Variants in TBC1D9B observed in about 807,000 individuals in gnomAD.
TBC1D9B encodes the protein TBC1 domain family member 9B, also known as TBC1 domain family, member 9B (with GRAM domain).
A neutral mutation model predicts 121.1 loss-of-function variants in TBC1D9B; 87 were observed. That is an observed-to-expected ratio of 0.72 (90% CI 0.60 to 0.86). The LOEUF is 0.86. Ranked by LOEUF, TBC1D9B falls within the 40% of genes least tolerant of loss-of-function variation. The pLI is 0.00. For missense variants in TBC1D9B, 1,540 were observed against 1,628.6 expected, an observed-to-expected ratio of 0.95 and a Z score of 0.94; for synonymous variants, 668 against 670.1, an observed-to-expected ratio of 1.00 and a Z score of 0.05.
intron 8 of TBC1D9B, 41 bp from the exon 9 acceptor site, chr5:179,879,238 C>A: frequency 1.3e-6 from 2 of 1,578,860 alleles, no homozygotes; most frequent in Non-Finnish European, 1.7e-6. Flanking sequence ...GGCCGAAGCG[C>A]ATCTGAGTGC....
chr5:179,866,307 G>A (rs1760007658), intron 18 of TBC1D9B: 1 of 188,524 alleles, frequency 5.3e-6, no homozygotes, highest in South Asian at 1.0e-4. Context: ...CGCGCCTGCT[G>A]TGCCTGTTAC....
rs747331720 is a variant in TBC1D9B, at chr5:179,875,955, C to A, written c.1865G>T (p.Arg622Leu). The A allele has an allele frequency of 3.7e-6, 6 of 1,609,880 alleles. No individual in the cohort carries two copies. Among genetic ancestry groups the A allele is most frequent in the Non-Finnish European group, 5.1e-6 (6 of 1,178,500 alleles). Residue 622 changes from arginine to leucine, a missense_variant, in exon 11 of 21, where the codon CGC becomes CTC. Coordinates refer to ENST00000355235, the MANE Select transcript of TBC1D9B (RefSeq NM_015043.4). The surrounding 1 kb of genome is among the most constrained non-coding windows in gnomAD (Gnocchi z 4.5). ...GGTGTTGTAGTAGTCGGGCAGCATG[C>A]GCTCGCACAGGGCCACCAGGAGCCA... ...AFWLLVALCE[R>L]MLPDYYNTRV...
intron 17 of TBC1D9B, 120 bp from the exon 18 acceptor site, chr5:179,867,969 A>ATG: frequency 1.2e-6 from 1 of 864,450 alleles, no homozygotes; most frequent in Non-Finnish European, 1.7e-6. Context: ...GGCCAGTCCC[A>ATG]GCACCTGCCC....
At chr5:179,884,520 G>C (rs1760624720) in intron 7 of TBC1D9B, 1 of 152,006 alleles carries the variant, frequency 6.6e-6, no homozygotes. Context: ...TCCACTCCAG[G>C]GTATGTCCCC....
chr5:179,892,342 T>C (rs1224724763), intron 5 of TBC1D9B, among the ~76,000 whole-genome samples: 1 of 152,258 alleles, frequency 6.6e-6, no homozygotes, highest in Non-Finnish European at 1.5e-5. Flanking sequence ...TTTCTGGTCC[T>C]GGAGGTGGAC....
chr5:179,870,358 C>A lies in TBC1D9B; in HGVS notation c.2622G>T (p.Trp874Cys). The change falls in exon 16 of 21, where the codon TGG becomes TGT. Residue 874 changes from tryptophan to cysteine, a missense_variant. Trp to Cys is a radical substitution (Grantham distance 215). Coordinates refer to ENST00000355235, the MANE Select transcript of TBC1D9B (RefSeq NM_015043.4). ...FRELFASLTP[W>C]ACGSHTPLLA... is the part of the protein sequence containing the mutation. ...GCAGAGGTGTGTGGGAGCCACAGGC[C>A]CAGGGTGTCAGGCTGGCAAAGAGTT... 1 of 1,613,892 alleles carries A rather than the reference C, an allele frequency of 6.2e-7. No individual in the cohort carries two copies. The highest frequency in any genetic ancestry group is 2.2e-5 in the East Asian group (1 of 44,878).
At chr5:179,867,704 C>G (rs1245889540) in intron 18 of TBC1D9B, 74 bp downstream of exon 18, 1 of 1,597,622 alleles carries the variant, frequency 6.3e-7, no homozygotes, top group African/African-American at 1.3e-5. Flanking sequence ...TGGCCACTGC[C>G]CGAGCCCCAC....
At position 179,863,550 on chromosome 5, in the gene TBC1D9B, A is replaced by G; in HGVS notation, c.3600T>C (p.Phe1200=). 2.5e-6 allele frequency: 4 copies of G among 1,614,040 alleles called. No homozygotes were observed. The highest frequency in any genetic ancestry group is 3.4e-6 in the Non-Finnish European group (4 of 1,179,948). Residue 1200 remains phenylalanine, a synonymous_variant, in exon 21 of 21, where the codon TTT becomes TTC. Coordinates refer to ENST00000355235, the MANE Select transcript of TBC1D9B (RefSeq NM_015043.4). This position sits in a 1 kb window ranked among gnomAD's most constrained non-coding sequence, Gnocchi z 4.5. The part of the protein sequence containing the change: ...ILTESVLVNF[F]EKRVDIGLKI... ...TGAGTCCAATGTCCACTCTCTTCTCAAAGAAGTTCACCAGCACGGACTCCG... is the reference window on the plus strand; with the variant it reads ...TGAGTCCAATGTCCACTCTCTTCTCGAAGAAGTTCACCAGCACGGACTCCG...
rs1451358809 is a variant in TBC1D9B, at chr5:179,907,022, C to T, written c.118+682G>A. On this transcript the variant is annotated intron_variant, in intron 1 of 20. Coordinates refer to ENST00000355235, the MANE Select transcript of TBC1D9B (RefSeq NM_015043.4). The surrounding 1 kb of genome is among the most constrained non-coding windows in gnomAD (Gnocchi z 5.3). ...CTGGATCCCACAGGCCGCACGACTC[C>T]AAGGGTGCCTGTCCAGCTTCATCCT... Among the ~76,000 whole-genome samples the T allele has an allele frequency of 6.6e-6, 1 of 152,150 alleles. No individual in the cohort carries two copies. Among genetic ancestry groups the T allele is most frequent in the Non-Finnish European group, 1.5e-5 (1 of 68,002 alleles).
chr5:179,873,931 C>T (rs1051908535), intron 12 of TBC1D9B, among the ~76,000 whole-genome samples: 4 of 152,184 alleles, frequency 2.6e-5, no homozygotes, highest in Admixed American at 6.5e-5. Context: ...CCACAGACTC[C>T]GGCCACAGGC....
intron 18 of TBC1D9B, chr5:179,867,092 C>A: frequency 4.5e-6 from 1 of 223,018 alleles, no homozygotes; most frequent in Non-Finnish European, 9.0e-6. Flanking sequence ...GGAAAGCATC[C>A]ACTATTCTTT....
intron 1 of TBC1D9B, among the ~76,000 whole-genome samples, chr5:179,905,029 G>T (rs1389520273): frequency 6.6e-6 from 1 of 152,218 alleles, no homozygotes; most frequent in Admixed American, 6.5e-5. Flanking sequence ...GGAAGCATCT[G>T]CTTCTTCTCC....
Position 179,878,399 on chromosome 5 carries a change from G to C in TBC1D9B, c.1692C>G (p.His564Gln). The C allele has an allele frequency of 6.2e-7, 1 of 1,613,894 alleles. No homozygotes were observed. The highest frequency in any genetic ancestry group is 8.5e-7 in the Non-Finnish European group (1 of 1,179,938). ...ERDLHRSMPE[H>Q]PAFQNELGIA... ...TCCCCAGCTCGTTCTGGAAGGCAGGGTGCTCGGGCATGGAGCGGTGCAGGT... is the reference window on the plus strand; with the variant it reads ...TCCCCAGCTCGTTCTGGAAGGCAGGCTGCTCGGGCATGGAGCGGTGCAGGT... The change falls in exon 10 of 21, where the codon CAC becomes CAG. Residue 564 changes from histidine (H) to glutamine (Q), a missense_variant. His to Gln is a conservative substitution (Grantham distance 24, BLOSUM62 0). Transcript: ENST00000355235.
intron 3 of TBC1D9B, 82 bp from the exon 4 acceptor site, chr5:179,894,696 C>G: frequency 6.9e-7 from 1 of 1,444,690 alleles, no homozygotes; most frequent in Non-Finnish European, 9.6e-7. Flanking sequence ...CCCAGGGAAC[C>G]CAGGACTCAT....
intron 3 of TBC1D9B, among the ~76,000 whole-genome samples, chr5:179,896,203 G>C (rs1276992934): frequency 1.3e-5 from 2 of 152,134 alleles, no homozygotes; most frequent in Non-Finnish European, 2.9e-5. Context: ...CTAAACTTTT[G>C]AGTCACCTAT....
chr5:179,898,419 C>T (rs1283265252), intron 3 of TBC1D9B, among the ~76,000 whole-genome samples: 1 of 151,826 alleles, frequency 6.6e-6, no homozygotes, highest in Non-Finnish European at 1.5e-5. Flanking sequence ...TCCCAAAGTG[C>T]TGGGATTACA....
At chr5:179,905,815 C>G (rs1761294538) in intron 1 of TBC1D9B, among the ~76,000 whole-genome samples, 1 of 152,160 alleles carries the variant, frequency 6.6e-6, no homozygotes, top group Non-Finnish European at 1.5e-5. Context: ...ATTTTGTTAC[C>G]ATTTTTCCTG....
chr5:179,870,391 C>A lies in TBC1D9B; in HGVS notation c.2589G>T (p.Gln863His), dbSNP rs760076601. 1.2e-6 allele frequency: 2 copies of A among 1,613,810 alleles called. No individual in the cohort carries two copies. Among genetic ancestry groups the A allele is most frequent in the East Asian group, 4.5e-5 (2 of 44,880 alleles). The change falls in exon 16 of 21, where the codon CAG (glutamine) becomes CAT (histidine). Residue 863 changes from glutamine (Q) to histidine (H), a missense_variant. Physicochemically the swap from Gln to His is conservative, Grantham distance 24. Coordinates refer to ENST00000355235, the MANE Select transcript of TBC1D9B (RefSeq NM_015043.4). ...TCAGGCTGGCAAAGAGTTCCCGGAACTGGCTGGCATCAATCCGGTACTGCT... is the reference window on the plus strand; with the variant it reads ...TCAGGCTGGCAAAGAGTTCCCGGAAATGGCTGGCATCAATCCGGTACTGCT... ...YLEQYRIDAS[Q>H]FRELFASLTP...
chr5:179,901,634 G>C (rs1419726842), intron 2 of TBC1D9B, among the ~76,000 whole-genome samples: 1 of 152,114 alleles, frequency 6.6e-6, no homozygotes, highest in Non-Finnish European at 1.5e-5. Flanking sequence ...AAAAAATGAG[G>C]CATGGTTGCG....
Sources: allele counts gnomAD v4.1 joint callset (sites outside exome capture counted in the v4.1 genomes callset), GRCh38; gene constraint gnomAD v4.1.1; non-coding constraint Gnocchi (gnomAD v3.1); transcripts MANE v1.5; gene names NCBI Gene and HGNC (gene_info 2026-07-23, HGNC 2026-07-21).